ENTREP2: variants seen among roughly 807,000 people sequenced by gnomAD.
ENTREP2 encodes endosomal transmembrane epsin interactor 2.
At chr15:29,262,696 G>A in the ENTREP2 span, among the ~76,000 whole-genome samples, 2 of 152,338 alleles carry the variant, frequency 1.3e-5, no homozygotes, top group African/African-American at 4.8e-5. Flanking sequence ...GTTTCCCTGA[G>A]TTGTGTGGAC....
At chr15:29,549,274 C>CTTTTTTTTT in the ENTREP2 span, among the ~76,000 whole-genome samples, 1 of 144,994 alleles carries the variant, frequency 6.9e-6, no homozygotes. Flanking sequence ...ATTTGTTATA[C>CTTTTTTTTT]ATTTTTTTTT....
the ENTREP2 span, among the ~76,000 whole-genome samples, chr15:29,648,452 T>C: frequency 9.2e-5 from 14 of 152,180 alleles, no homozygotes; most frequent in Non-Finnish European, 1.6e-4. Flanking sequence ...CCACCATGTG[T>C]CAGTGTTATC....
chr15:29,472,430 C>CACACA, the ENTREP2 span, among the ~76,000 whole-genome samples: 3 of 107,258 alleles, frequency 2.8e-5, no homozygotes, highest in South Asian at 5.2e-4. Flanking sequence ...CAACACACAA[C>CACACA]ACACACACAC....
the ENTREP2 span, among the ~76,000 whole-genome samples, chr15:29,545,077 A>G: frequency 6.6e-6 from 1 of 152,228 alleles, no homozygotes. Flanking sequence ...ACAATTAAGT[A>G]AAAACTGCCA....
the ENTREP2 span, among the ~76,000 whole-genome samples, chr15:29,263,317 A>C: frequency 2.0e-5 from 3 of 152,248 alleles, no homozygotes; most frequent in African/African-American, 4.8e-5. Context: ...CAATGCATTT[A>C]TAAGACCAAA....
At chr15:29,470,555 T>C in the ENTREP2 span, among the ~76,000 whole-genome samples, 3 of 152,150 alleles carry the variant, frequency 2.0e-5, no homozygotes, top group African/African-American at 7.2e-5. Flanking sequence ...TAATCAACCA[T>C]ATGGTCTTTT....
chr15:29,611,361 G>A, the ENTREP2 span: 1 of 151,750 alleles, frequency 6.6e-6, no homozygotes, highest in South Asian at 2.1e-4. Context: ...ACAGACAGAG[G>A]CATATTAAAA....
the ENTREP2 span, among the ~76,000 whole-genome samples, chr15:29,285,581 T>A: frequency 6.6e-6 from 1 of 152,168 alleles, no homozygotes; most frequent in African/African-American, 2.4e-5. Flanking sequence ...CAAACTTCCC[T>A]TCCCAGAAAA....
chr15:29,490,025 T>C, the ENTREP2 span, among the ~76,000 whole-genome samples: 3 of 152,200 alleles, frequency 2.0e-5, no homozygotes, highest in African/African-American at 4.8e-5. Flanking sequence ...TTCAAAGCAG[T>C]TTAACAATGG....
the ENTREP2 span, among the ~76,000 whole-genome samples, chr15:29,169,983 T>C: frequency 6.6e-6 from 1 of 152,110 alleles, no homozygotes; most frequent in East Asian, 1.9e-4. Context: ...TAGAACTAAA[T>C]ATAATAGTTG....
the ENTREP2 span, among the ~76,000 whole-genome samples, chr15:29,346,672 G>A: frequency 1.3e-5 from 2 of 152,188 alleles, no homozygotes; most frequent in South Asian, 2.1e-4. Flanking sequence ...ATCCAAATTC[G>A]TATTTCACTT....
the ENTREP2 span, among the ~76,000 whole-genome samples, chr15:29,252,850 G>A: frequency 6.6e-6 from 1 of 152,118 alleles, no homozygotes. Flanking sequence ...AGGCCTTTAG[G>A]TTTAATTTTT....
At chr15:29,433,537 C>T in the ENTREP2 span, among the ~76,000 whole-genome samples, 1 of 152,104 alleles carries the variant, frequency 6.6e-6, no homozygotes, top group Non-Finnish European at 1.5e-5. Flanking sequence ...CACAGCTGGT[C>T]AAAAATGCAT....
chr15:29,403,137 C>T, the ENTREP2 span, among the ~76,000 whole-genome samples: 5 of 152,052 alleles, frequency 3.3e-5, no homozygotes, highest in African/African-American at 1.2e-4. Flanking sequence ...AGGGGAGGGA[C>T]GGGGCCTGAT....
the ENTREP2 span, among the ~76,000 whole-genome samples, chr15:29,346,539 T>C: frequency 6.6e-6 from 1 of 152,158 alleles, no homozygotes; most frequent in Non-Finnish European, 1.5e-5. Context: ...CTGGTTCCCA[T>C]TTTCTCCATA....
the ENTREP2 span, among the ~76,000 whole-genome samples, chr15:29,636,280 G>T: frequency 6.6e-6 from 1 of 152,194 alleles, no homozygotes; most frequent in Admixed American, 6.5e-5. Flanking sequence ...CGCAACTGTT[G>T]CTTTGGCCAA....
the ENTREP2 span, among the ~76,000 whole-genome samples, chr15:29,304,697 G>T: frequency 6.6e-6 from 1 of 152,148 alleles, no homozygotes; most frequent in Non-Finnish European, 1.5e-5. Context: ...AGAGGACTTA[G>T]ATTGACTTAC....
the ENTREP2 span, among the ~76,000 whole-genome samples, chr15:29,413,616 T>G: frequency 2.0e-5 from 3 of 152,244 alleles, no homozygotes; most frequent in East Asian, 5.8e-4. Context: ...GTGACCAGGG[T>G]TCATTCATCA....
chr15:29,184,558 G>C, the ENTREP2 span, among the ~76,000 whole-genome samples: 1 of 152,094 alleles, frequency 6.6e-6, no homozygotes, highest in African/African-American at 2.4e-5. Context: ...CACATCCTGG[G>C]GCCTCCATTT....
Sources: gnomAD v4.1 joint callset for allele counts (sites outside exome capture counted in the v4.1 genomes callset) on GRCh38, gnomAD v4.1.1 for gene constraint, MANE v1.5 for transcripts, NCBI Gene and HGNC (gene_info 2026-07-23, HGNC 2026-07-21) for gene names.